ADCY10: variants seen among roughly 807,000 people sequenced by gnomAD.
ADCY10 encodes the protein adenylate cyclase type 10.
A neutral mutation model predicts 183.3 loss-of-function variants in ADCY10; 156 were observed. The ratio of observed to expected loss-of-function variants is 0.85; its 90% CI spans 0.75 to 0.97. ADCY10 has a LOEUF of 0.97. Ranked by LOEUF, ADCY10 falls within the 50% of genes least tolerant of loss-of-function variation. ADCY10 has a pLI of 0.00. For synonymous variants in ADCY10, 645 were observed against 670.0 expected (o/e 0.96, Z 0.58); for missense variants, 1,745 against 1,934.3 (o/e 0.90, Z 1.84).
At chr1:167,863,976 G>GCCCACTCCATT in intron 14 of ADCY10, among the ~76,000 whole-genome samples, 1 of 152,068 alleles carries the variant, frequency 6.6e-6, no homozygotes, top group Middle Eastern at 3.4e-3. Flanking sequence ...TTGGGAACTT[G>GCCCACTCCATT]CCCACTCCAT....
At chr1:167,898,322 T>C (rs1669147928) in intron 6 of ADCY10, among the ~76,000 whole-genome samples, 1 of 152,058 alleles carries the variant, frequency 6.6e-6, no homozygotes, top group Non-Finnish European at 1.5e-5. Flanking sequence ...GAAGAGAGGC[T>C]GGGCGTGGTG....
intron 10 of ADCY10, 83 bp downstream of exon 10, chr1:167,880,408 T>A: frequency 9.1e-7 from 1 of 1,102,864 alleles, no homozygotes; most frequent in Admixed American, 1.7e-5. Context: ...AATTCTTCTT[T>A]CTTTCCTGTT....
intron 7 of ADCY10, among the ~76,000 whole-genome samples, chr1:167,895,970 C>T (rs1668945628): frequency 6.6e-6 from 1 of 151,918 alleles, no homozygotes; most frequent in Non-Finnish European, 1.5e-5. Flanking sequence ...AAGAATAATA[C>T]TTTTGAACTC....
intron 8 of ADCY10, among the ~76,000 whole-genome samples, chr1:167,887,385 G>A (rs368096205): frequency 7.9e-4 from 121 of 152,322 alleles, no homozygotes; most frequent in Admixed American, 2.2e-3. Flanking sequence ...ATGAGTTCAC[G>A]TCCTTTGTAG....
Position 167,901,746 on chromosome 1 carries a change from C to G in ADCY10, c.352G>C (p.Val118Leu). 3.1e-6 allele frequency: 5 copies of G among 1,614,208 alleles called. No individual in the cohort carries two copies. Among genetic ancestry groups the G allele is most frequent in the Non-Finnish European group, 4.2e-6 (5 of 1,180,040 alleles). Residue 118 changes from valine (V) to leucine (L), a missense_variant, in exon 5 of 33, where the codon GTG (valine) becomes CTG (leucine). Transcript: ENST00000367851. ...ERKQLKNIIT[V>L]VIKCSLEIHG... is the part of the protein sequence containing the mutation. ...ATCTCCAGGCTACATTTAATTACCA[C>G]TGTGATAATGTTTTTCAGCTGCTTT...
chr1:167,825,746 G>A (rs1272711939), intron 26 of ADCY10, among the ~76,000 whole-genome samples: 5 of 152,136 alleles, frequency 3.3e-5, no homozygotes, highest in African/African-American at 7.2e-5. Flanking sequence ...CCATGATCAC[G>A]CCACTGCACT....
At chr1:167,901,106 C>G (rs936299269) in intron 5 of ADCY10, among the ~76,000 whole-genome samples, 1 of 152,104 alleles carries the variant, frequency 6.6e-6, no homozygotes, top group South Asian at 2.1e-4. Flanking sequence ...AATGTTTGCA[C>G]GTGCATAGTG....
chr1:167,913,720 A>C (rs75360406), intron 1 of ADCY10, among the ~76,000 whole-genome samples: 2,319 of 151,018 alleles, frequency 0.015, 55 homozygotes, highest in African/African-American at 0.051. Flanking sequence ...TCACGTGAGA[A>C]ACTGCAGAAA....
chr1:167,911,535 T>A (rs961913919), intron 1 of ADCY10, among the ~76,000 whole-genome samples: 1 of 152,224 alleles, frequency 6.6e-6, no homozygotes, highest in Non-Finnish European at 1.5e-5. Flanking sequence ...CCTTTGCCTC[T>A]TTTAAAAGTT....
chr1:167,911,015 A>G (rs73024114), intron 1 of ADCY10, among the ~76,000 whole-genome samples: 12,239 of 152,276 alleles, frequency 0.08, 580 homozygotes, highest in Middle Eastern at 0.11. Flanking sequence ...CCTCACATGC[A>G]TAGTATAGAC....
In ADCY10 at chr1:167,880,514, G is replaced by C; in HGVS notation, c.1116C>G (p.Phe372Leu). The change falls in exon 10 of 33, where the codon TTC becomes TTG. Residue 372 changes from phenylalanine to leucine, a missense_variant. Transcript: ENST00000367851. ...ALECAMDIFD[F>L]CSQVHKIQTV... ...ACTGGATTTTGTGGACTTGAGAGCA[G>C]AAGTCAAATATATCCATAGCACATT... is the stretch of plus-strand genomic sequence containing the variant. 3 of 1,614,016 alleles carry C rather than the reference G, an allele frequency of 1.9e-6. No homozygotes were observed. The highest frequency in any genetic ancestry group is 8.5e-7 in the Non-Finnish European group (1 of 1,179,864).
At chr1:167,829,721 T>C (rs1663575736) in intron 25 of ADCY10, among the ~76,000 whole-genome samples, 1 of 152,226 alleles carries the variant, frequency 6.6e-6, no homozygotes, top group South Asian at 2.1e-4. Flanking sequence ...TTGATATTAT[T>C]CATCACATTT....
chr1:167,836,248 C>T, intron 23 of ADCY10, 61 bp downstream of exon 23: 3 of 1,153,128 alleles, frequency 2.6e-6, no homozygotes, highest in Non-Finnish European at 3.9e-6. Flanking sequence ...GAGCTTCCTT[C>T]TGGCTCTATG....
In ADCY10 at chr1:167,897,409, A is replaced by G. The variant is rs371556930; in HGVS notation, c.643-718T>C. Reference sequence around the variant, plus strand: ...TTACTCAGGAGGCTGTGGTGGGAGAATCGCTTGAGACTGGGAGTTAGAGGT... The same window carrying G: ...TTACTCAGGAGGCTGTGGTGGGAGAGTCGCTTGAGACTGGGAGTTAGAGGT... On this transcript the variant is annotated intron_variant, in intron 6 of 32. Transcript: ENST00000367851. Among the ~76,000 whole-genome samples the G allele has an allele frequency of 8.1e-4, 123 of 150,968 alleles. 1 individual carries two copies. The South Asian group carries it at 0.023, about 29-fold the overall frequency.
intron 25 of ADCY10, among the ~76,000 whole-genome samples, chr1:167,831,571 T>A (rs1459049996): frequency 1.3e-5 from 2 of 152,182 alleles, no homozygotes; most frequent in Non-Finnish European, 2.9e-5. Flanking sequence ...GTCATACTCA[T>A]TTTTGAGATG....
In ADCY10 at chr1:167,859,766, A is replaced by G. The variant is rs533826236; in HGVS notation, c.1896+41T>C. The G allele has an allele frequency of 4.1e-6, 6 of 1,476,372 alleles. No homozygotes were observed. The South Asian group carries it at 6.8e-5, about 17-fold the overall frequency. 91.5% of individuals were successfully genotyped at this position (1,476,372 alleles called of 1,614,324 possible). ...CACCTGGCTTTGTGGTGATTTGCCC[A>G]GTTTTCTTCCCCCTACTTCTTGACC... On this transcript the variant is annotated intron_variant, in intron 16 of 32. Coordinates refer to ENST00000367851, the MANE Select transcript of ADCY10 (RefSeq NM_018417.6).
chr1:167,871,722 T>C (rs1429916932), intron 13 of ADCY10, among the ~76,000 whole-genome samples: 1 of 152,236 alleles, frequency 6.6e-6, no homozygotes, highest in African/African-American at 2.4e-5. Flanking sequence ...AGTGTAGACA[T>C]TTAATAAAAA....
At chr1:167,882,484 CAAAAAAAAAA>C (rs71100909) in intron 9 of ADCY10, among the ~76,000 whole-genome samples, 6 of 71,142 alleles carry the variant, frequency 8.4e-5, no homozygotes, top group African/African-American at 2.0e-4. Context: ...GATTCCGTCT[CAAAAAAAAAA>C]AAAAAAAAAA....
rs1312121047 is a variant in ADCY10 at position 167,809,488 on chromosome 1, G to GTTA, written c.*189_*190insTAA. 9.4e-6 allele frequency: 6 copies of GTTA among 640,938 alleles called. No individual in the cohort carries two copies. The African/African-American group carries it at 1.1e-4, about 12-fold the overall frequency. The allele number at this position is 640,938 out of a possible 1,614,324, so 39.7% of individuals were successfully genotyped here. A position where few individuals can be genotyped will look rare whatever the true frequency, so the allele number is the denominator to read the frequency against. On this transcript the variant is annotated 3_prime_UTR_variant, in exon 33 of 33. Coordinates refer to ENST00000367851, the MANE Select transcript of ADCY10 (RefSeq NM_018417.6). ...GTAAAAGCAATTTTTTGTAACATTA[G>GTTA]GAAGAAGTAAACCATGACACTCCTG...
Sources: gnomAD v4.1 joint callset for allele counts (sites outside exome capture counted in the v4.1 genomes callset) on GRCh38, gnomAD v4.1.1 for gene constraint, MANE v1.5 for transcripts, NCBI Gene and HGNC (gene_info 2026-07-23, HGNC 2026-07-21) for gene names.